JPH1: variants seen among roughly 807,000 people sequenced by gnomAD.
The protein encoded by JPH1 is junctophilin 1, also known as junctophilin-1.
Under a neutral mutation model 53.6 loss-of-function variants are expected in JPH1, and 12 were observed. That is an observed-to-expected ratio of 0.22 (90% CI 0.14 to 0.36). The LOEUF is 0.36. Among genes scored for constraint, JPH1 ranks in the 10% least tolerant of loss-of-function variants. The probability of loss-of-function intolerance (pLI) is 1.00; values close to 1 mark genes in which losing one functional copy is unlikely to be tolerated. For missense variants in JPH1, 808 were observed against 905.5 expected, an observed-to-expected ratio of 0.89 and a Z score of 1.38; for synonymous variants, 375 against 363.8, an observed-to-expected ratio of 1.03 and a Z score of -0.35.
At chr8:74,310,547 A>G (rs1807963245) in intron 2 of JPH1, among the ~76,000 whole-genome samples, 1 of 152,148 alleles carries the variant, frequency 6.6e-6, no homozygotes. Flanking sequence ...CTGTTATGTC[A>G]TCCCCATAGT....
chr8:74,298,021 G>C (rs1373572157), intron 2 of JPH1, among the ~76,000 whole-genome samples: 2 of 152,146 alleles, frequency 1.3e-5, no homozygotes, highest in Non-Finnish European at 2.9e-5. Context: ...CTCTTCTTTA[G>C]AGATTTCTCT....
At chr8:74,312,534 A>T (rs1035336580) in intron 2 of JPH1, among the ~76,000 whole-genome samples, 1 of 152,216 alleles carries the variant, frequency 6.6e-6, no homozygotes, top group African/African-American at 2.4e-5. Context: ...ACAGGCATGT[A>T]CCATAGCACC....
chr8:74,278,473 G>T (rs187503181), intron 2 of JPH1, among the ~76,000 whole-genome samples: 3 of 152,112 alleles, frequency 2.0e-5, no homozygotes, highest in African/African-American at 4.8e-5. Context: ...TCCTGTTCCC[G>T]TGACATTACA....
intron 2 of JPH1, among the ~76,000 whole-genome samples, chr8:74,280,102 G>A (rs1182334265): frequency 2.0e-5 from 3 of 152,030 alleles, no homozygotes; most frequent in Non-Finnish European, 4.4e-5. Context: ...TTAAATAATG[G>A]ACTATGCACA....
intron 2 of JPH1, among the ~76,000 whole-genome samples, chr8:74,276,598 A>T (rs1806856065): frequency 6.6e-6 from 1 of 152,262 alleles, no homozygotes; most frequent in African/African-American, 2.4e-5. Flanking sequence ...GCCAGGTTTA[A>T]CTAGCATTAT....
intron 2 of JPH1, among the ~76,000 whole-genome samples, chr8:74,261,816 T>G (rs1241697120): frequency 1.3e-5 from 2 of 152,172 alleles, no homozygotes; most frequent in Admixed American, 1.3e-4. Context: ...ATACTATCTA[T>G]TAGCCCTTTA....
At chr8:74,278,300 C>A (rs909522265) in intron 2 of JPH1, among the ~76,000 whole-genome samples, 3 of 152,186 alleles carry the variant, frequency 2.0e-5, no homozygotes, top group Non-Finnish European at 4.4e-5. Flanking sequence ...TCCTTGCCTT[C>A]CACCATGATT....
intron 2 of JPH1, among the ~76,000 whole-genome samples, chr8:74,304,358 T>C (rs1307598270): frequency 6.6e-6 from 1 of 152,244 alleles, no homozygotes; most frequent in Non-Finnish European, 1.5e-5. Flanking sequence ...TTTGAGTCTT[T>C]ACAAAGTAAT....
chr8:74,265,552 A>T (rs1254920396), intron 2 of JPH1, among the ~76,000 whole-genome samples: 2 of 152,224 alleles, frequency 1.3e-5, no homozygotes, highest in Non-Finnish European at 2.9e-5. Context: ...TCTGATGTAG[A>T]AATATTTAAG....
chr8:74,263,863 G>C (rs959230094), intron 2 of JPH1, among the ~76,000 whole-genome samples: 1 of 152,252 alleles, frequency 6.6e-6, no homozygotes, highest in South Asian at 2.1e-4. Context: ...TCATTCATGA[G>C]AGACCTAAAT....
chr8:74,294,970 G>A (rs1332784512), intron 2 of JPH1, among the ~76,000 whole-genome samples: 2 of 152,366 alleles, frequency 1.3e-5, no homozygotes, highest in African/African-American at 4.8e-5. Flanking sequence ...CTAAACGACT[G>A]TCTGGTGGCA....
Position 74,252,075 on chromosome 8 carries a change from G to T in JPH1, c.1259-6900C>A, listed in dbSNP as rs865976755. Among the ~76,000 whole-genome samples the T allele has an allele frequency of 5.3e-5, 8 of 152,286 alleles. No individual in the cohort carries two copies. In the South Asian group the frequency reaches 1.7e-3, roughly 32 times the overall value. Reference sequence around the variant, plus strand: ...TGACAAAAACAAGAAATGGGGAAAGGATTCCCTATTTAATAAATGGTGCTG... The same window carrying T: ...TGACAAAAACAAGAAATGGGGAAAGTATTCCCTATTTAATAAATGGTGCTG... On this transcript the variant is annotated intron_variant, in intron 3 of 5. Transcript: ENST00000342232.
At position 74,245,519 on chromosome 8, in the gene JPH1, T is replaced by C. The variant is rs7823270; in HGVS notation, c.1259-344A>G. Among the ~76,000 whole-genome samples, 654 of 152,356 alleles carry C rather than the reference T, an allele frequency of 4.3e-3. 3 individuals carry two copies. The highest frequency in any genetic ancestry group is 0.015 in the African/African-American group (625 of 41,582). On this transcript the variant is annotated intron_variant, in intron 3 of 5. Coordinates refer to ENST00000342232, the MANE Select transcript of JPH1 (RefSeq NM_020647.4). ...CTAAGACACAGAAAGTGTATACTTG[T>C]ACAAGGAAGTAAGCTGACTACTGTA... is the stretch of plus-strand genomic sequence containing the variant.
chr8:74,248,955 TA>T (rs1805950373), intron 3 of JPH1, among the ~76,000 whole-genome samples: 1 of 152,242 alleles, frequency 6.6e-6, no homozygotes, highest in African/African-American at 2.4e-5. Context: ...AGACAGTATC[TA>T]TGAATCCCAA....
intron 2 of JPH1, among the ~76,000 whole-genome samples, chr8:74,295,790 G>A (rs1217898222): frequency 6.6e-6 from 1 of 152,060 alleles, no homozygotes; most frequent in African/African-American, 2.4e-5. Context: ...CTTGCTCCTA[G>A]GCCTTGATCT....
intron 4 of JPH1, among the ~76,000 whole-genome samples, chr8:74,243,090 C>T (rs1252362192): frequency 1.3e-5 from 2 of 152,178 alleles, no homozygotes; most frequent in Admixed American, 6.5e-5. Context: ...AAGGTATGGC[C>T]TTGCATTGTT....
rs1409446205 is a variant in JPH1, at chr8:74,244,759, C to G, written c.1675G>C (p.Ala559Pro). 1 of 1,614,048 alleles carries G rather than the reference C, an allele frequency of 6.2e-7. No homozygotes were observed. The highest frequency in any genetic ancestry group is 1.3e-5 in the African/African-American group (1 of 74,908). The stretch of plus-strand genomic sequence containing the variant: ...ACGTCTACTGGAGGGTGCTGGGGGG[C>G]GTTCAGCTTCACGTAGTAGCCGTGA... Reference protein sequence around the residue: ...QYHGYYVKLNAPQHPPVDVED... With the variant: ...QYHGYYVKLNPPQHPPVDVED... Residue 559 changes from alanine (A) to proline (P), a missense_variant, in exon 4 of 6, where the codon GCC becomes CCC. Around this residue, in one of 2 missense-constraint regions of JPH1, gnomAD observed 756 missense variants for 811.9 expected, o/e 0.93. Coordinates refer to ENST00000342232, the MANE Select transcript of JPH1 (RefSeq NM_020647.4).
At position 74,245,255 on chromosome 8, in the gene JPH1, C is replaced by A. The variant is rs190863075; in HGVS notation, c.1259-80G>T. The A allele has an allele frequency of 6.2e-4, 763 of 1,227,094 alleles. 3 individuals are homozygous for A. The African/African-American group carries it at 0.011, about 18-fold the overall frequency. The allele number at this position is 1,227,094 out of a possible 1,614,324, so 76.0% of individuals were successfully genotyped here. A position where few individuals can be genotyped will look rare whatever the true frequency, so the allele number is the denominator to read the frequency against. On this transcript the variant is annotated intron_variant, in intron 3 of 5. Coordinates refer to ENST00000342232, the MANE Select transcript of JPH1 (RefSeq NM_020647.4). ...TTTTGCTAAATCAGATTAACCTTTT[C>A]TCTTTTAAAAATAATATATTCATAA...
intron 4 of JPH1, among the ~76,000 whole-genome samples, chr8:74,237,947 T>C (rs527339811): frequency 6.6e-6 from 1 of 152,330 alleles, no homozygotes; most frequent in East Asian, 1.9e-4. Flanking sequence ...TTACAAACTA[T>C]GGGATCCTAT....
Sources: allele counts gnomAD v4.1 joint callset (sites outside exome capture counted in the v4.1 genomes callset), GRCh38; gene constraint gnomAD v4.1.1; regional missense constraint gnomAD v4.1.1; transcripts MANE v1.5; gene names NCBI Gene and HGNC (gene_info 2026-07-23, HGNC 2026-07-21).